The following CES5A variants were observed in gnomAD, a reference collection of about 807,000 sequenced individuals.
CES5A encodes the protein carboxylesterase 5.
In CES5A, 67 loss-of-function variants were observed where a neutral mutation model predicts 62.9. The observed-to-expected ratio is 1.07, with a 90% CI of 0.88 to 1.31. The LOEUF (loss-of-function observed/expected upper bound fraction) is 1.31. CES5A is among the 50% of genes most tolerant of loss of function. The pLI is 0.00. For missense variants in CES5A, 748 were observed against 708.5 expected, an observed-to-expected ratio of 1.06 and a Z score of -0.63; for synonymous variants, 296 against 280.8, an observed-to-expected ratio of 1.05 and a Z score of -0.54.
At chr16:55,848,267 G>A (rs551296002) in intron 11 of CES5A, among the ~76,000 whole-genome samples, 1 of 151,850 alleles carries the variant, frequency 6.6e-6, no homozygotes, top group South Asian at 2.1e-4. Flanking sequence ...ACCATGCTTG[G>A]CTAATTTTGT....
At chr16:55,875,780 C>T (rs572455792), upstream of CES5A, among the ~76,000 whole-genome samples, 6 of 152,300 alleles carry the variant, frequency 3.9e-5, no homozygotes, top group East Asian at 5.8e-4. Context: ...GAGGCTTCTT[C>T]GATTATATTA....
chr16:55,936,450 T>C (rs2034376327), intron 2 of CES5A, among the ~76,000 whole-genome samples: 1 of 152,224 alleles, frequency 6.6e-6, no homozygotes, highest in South Asian at 2.1e-4. Context: ...ATGCTCTTTA[T>C]ATCAAAGCAT....
intron 11 of CES5A, among the ~76,000 whole-genome samples, chr16:55,848,229 T>C (rs1239285549): frequency 6.6e-5 from 10 of 152,102 alleles, no homozygotes; most frequent in African/African-American, 2.2e-4. Context: ...CTCAGCCTCC[T>C]GAGTAGCTGG....
chr16:55,875,457 A>C (rs1449743323), upstream of CES5A: 66 of 1,036,140 alleles, frequency 6.4e-5, no homozygotes, highest in Admixed American at 1.8e-3. Context: ...CTGGGGAAAG[A>C]TAATTTGATA....
chr16:55,857,921 G>T (rs539606234), intron 8 of CES5A, among the ~76,000 whole-genome samples: 1 of 152,220 alleles, frequency 6.6e-6, no homozygotes, highest in Non-Finnish European at 1.5e-5. Context: ...CCTAGGCTGG[G>T]TACCAGCCCA....
rs1484515944 is a variant in CES5A at position 55,846,586 on chromosome 16, G to T, written c.1593C>A (p.Leu531=). ...TCCAAAAATCCACCCGCGGTTCTTT[G>T]AGTCTCTGTCCGAGGCTCATGTTCA... is the stretch of plus-strand genomic sequence containing the variant. The part of the protein sequence containing the change: ...LDLNMSLGQR[L]KEPRVDFWTS... The change falls in exon 13 of 13, where the codon CTC becomes CTA. Residue 531 remains leucine, a synonymous_variant. Coordinates refer to ENST00000290567, the MANE Select transcript of CES5A (RefSeq NM_001143685.2). 6.2e-7 allele frequency: 1 copy of T among 1,614,074 alleles called. No individual in the cohort carries two copies. The highest frequency in any genetic ancestry group is 8.5e-7 in the Non-Finnish European group (1 of 1,180,032).
At chr16:55,880,142 C>T (rs1459033580), upstream of CES5A, among the ~76,000 whole-genome samples, 1 of 152,174 alleles carries the variant, frequency 6.6e-6, no homozygotes, top group African/African-American at 2.4e-5. Flanking sequence ...AACTTCAGCC[C>T]ACCTCGGATT....
At chr16:55,922,172 G>T (rs892156725) in intron 1 of CES5A, among the ~76,000 whole-genome samples, 1 of 151,940 alleles carries the variant, frequency 6.6e-6, no homozygotes, top group African/African-American at 2.4e-5. Context: ...AATGTCAATA[G>T]TAAGCCCTTA....
At chr16:55,851,402 T>C (rs753325337) in intron 10 of CES5A, among the ~76,000 whole-genome samples, 1 of 152,336 alleles carries the variant, frequency 6.6e-6, no homozygotes, top group Non-Finnish European at 1.5e-5. Context: ...TCAACATCTC[T>C]AATAATTAGG....
intron 2 of CES5A, among the ~76,000 whole-genome samples, chr16:55,933,352 G>A (rs900263880): frequency 6.6e-6 from 1 of 152,244 alleles, no homozygotes; most frequent in African/African-American, 2.4e-5. Context: ...TTTCGAGGTA[G>A]AAGTGATCTG....
intron 2 of CES5A, among the ~76,000 whole-genome samples, chr16:55,873,187 C>T (rs912349528): frequency 9.2e-5 from 14 of 152,262 alleles, no homozygotes; most frequent in African/African-American, 3.4e-4. Context: ...TCTCACCTCA[C>T]CCCTCCACAA....
At chr16:55,932,195 T>A (rs761151628) in intron 2 of CES5A, among the ~76,000 whole-genome samples, 1 of 152,168 alleles carries the variant, frequency 6.6e-6, no homozygotes, top group Non-Finnish European at 1.5e-5. Flanking sequence ...CACATGCAAT[T>A]GCTATCCATG....
chr16:55,847,351 C>CCTGTCTTCCCTCTCTCTTGCTTCTCTCT (rs1324544819), intron 11 of CES5A, among the ~76,000 whole-genome samples: 3 of 150,300 alleles, frequency 2.0e-5, no homozygotes, highest in African/African-American at 7.3e-5. Context: ...TCCTTCTCTC[C>CCTGTCTTCCCTCTCTCTTGCTTCTCTCT]CTGTCTTCCC....
intron 11 of CES5A, among the ~76,000 whole-genome samples, chr16:55,849,125 C>G (rs1463386564): frequency 6.6e-6 from 1 of 152,108 alleles, no homozygotes; most frequent in Non-Finnish European, 1.5e-5. Flanking sequence ...TTATTTTAGG[C>G]ACCAAATATG....
At chr16:55,955,778 A>G in intron 1 of CES5A, 1 of 1,504,444 alleles carries the variant, frequency 6.6e-7, no homozygotes, top group Non-Finnish European at 8.9e-7. Flanking sequence ...TCTAAGGCTC[A>G]TCTTTCTCAT....
At chr16:55,938,660 C>T (rs1410801277) in intron 2 of CES5A, among the ~76,000 whole-genome samples, 3 of 137,508 alleles carry the variant, frequency 2.2e-5, no homozygotes, top group African/African-American at 8.3e-5. Flanking sequence ...TGGTGTGAAC[C>T]CGGGGGCAGA....
chr16:55,915,296 C>A (rs541291569), intron 1 of CES5A, among the ~76,000 whole-genome samples: 3 of 152,174 alleles, frequency 2.0e-5, no homozygotes, highest in African/African-American at 4.8e-5. Flanking sequence ...CAGGCACACC[C>A]GCTGAATGAC....
At chr16:55,879,415 AC>A (rs1203202342), upstream of CES5A, among the ~76,000 whole-genome samples, 3 of 146,570 alleles carry the variant, frequency 2.0e-5, no homozygotes, top group African/African-American at 7.7e-5. Context: ...TCATCACTGT[AC>A]CCCACCTCTG....
chr16:55,877,198 A>G (rs566949872), upstream of CES5A, among the ~76,000 whole-genome samples: 4 of 152,104 alleles, frequency 2.6e-5, no homozygotes, highest in Admixed American at 6.6e-5. Context: ...ACAGCCAGAC[A>G]CCATCTTGGC....
Sources: allele counts gnomAD v4.1 joint callset (sites outside exome capture counted in the v4.1 genomes callset), GRCh38; gene constraint gnomAD v4.1.1; transcripts MANE v1.5; gene names NCBI Gene and HGNC (gene_info 2026-07-23, HGNC 2026-07-21).